The following ROBO2 variants were observed in gnomAD, a reference collection of about 807,000 sequenced individuals.
ROBO2 encodes the protein roundabout guidance receptor 2, also known as roundabout homolog 2.
In ROBO2, 53 loss-of-function variants were observed where a neutral mutation model predicts 160.8. The observed-to-expected ratio is 0.33, with a 90% CI of 0.26 to 0.41. The LOEUF (loss-of-function observed/expected upper bound fraction) is 0.41. Ranked by LOEUF, ROBO2 falls within the 10% of genes least tolerant of loss-of-function variation. ROBO2 has a pLI of 1.00. For missense variants in ROBO2, 1,577 were observed against 1,722.4 expected (o/e 0.92, Z 1.49); for synonymous variants, 664 against 611.7 (o/e 1.09, Z -1.26).
At chr3:77,371,501 T>C (rs2071748292) in intron 2 of ROBO2, among the ~76,000 whole-genome samples, 1 of 152,232 alleles carries the variant, frequency 6.6e-6, no homozygotes, top group Admixed American at 6.5e-5. Context: ...ACTAGGGCCT[T>C]ACTTACATAC....
intron 2 of ROBO2, among the ~76,000 whole-genome samples, chr3:76,919,444 TCTC>T (rs1484494823): frequency 6.6e-6 from 1 of 152,186 alleles, no homozygotes; most frequent in African/African-American, 2.4e-5. Flanking sequence ...AAAAGATTTA[TCTC>T]CTCATATAAA....
intron 2 of ROBO2, among the ~76,000 whole-genome samples, chr3:76,152,887 C>T (rs1038077692): frequency 1.3e-5 from 2 of 152,016 alleles, no homozygotes; most frequent in African/African-American, 4.8e-5. Context: ...ACTCCAAAAT[C>T]GATGTCAATT....
chr3:76,275,828 A>G (rs960890863), intron 2 of ROBO2, among the ~76,000 whole-genome samples: 1 of 152,136 alleles, frequency 6.6e-6, no homozygotes, highest in Non-Finnish European at 1.5e-5. Flanking sequence ...CCACCTGTAA[A>G]TGACTTCCAG....
chr3:76,785,260 T>A (rs2062898707), intron 2 of ROBO2, among the ~76,000 whole-genome samples: 1 of 151,226 alleles, frequency 6.6e-6, no homozygotes, highest in South Asian at 2.1e-4. Flanking sequence ...AATTTTGAGT[T>A]TGGCATGGTA....
chr3:77,015,583 G>T (rs1295904306), intron 2 of ROBO2, among the ~76,000 whole-genome samples: 1 of 152,128 alleles, frequency 6.6e-6, no homozygotes, highest in African/African-American at 2.4e-5. Flanking sequence ...AAAAATCAAT[G>T]AATTTTAGAG....
chr3:77,007,459 A>C (rs1431450114), intron 2 of ROBO2, among the ~76,000 whole-genome samples: 1 of 152,098 alleles, frequency 6.6e-6, no homozygotes, highest in African/African-American at 2.4e-5. Context: ...CCGGGTCTAT[A>C]TATTTACAGA....
intron 2 of ROBO2, among the ~76,000 whole-genome samples, chr3:76,443,137 GGT>G (rs944722332): frequency 7.2e-5 from 11 of 151,844 alleles, no homozygotes; most frequent in Non-Finnish European, 2.9e-5. Flanking sequence ...GGGTGGGGGA[GGT>G]GCCAGGATCA....
chr3:77,469,961 G>A (rs1050663818), intron 2 of ROBO2, among the ~76,000 whole-genome samples: 3 of 152,158 alleles, frequency 2.0e-5, no homozygotes, highest in Non-Finnish European at 4.4e-5. Context: ...GACTTCAGAT[G>A]AGTGAGTCCA....
chr3:76,639,752 C>T (rs2090550944), intron 2 of ROBO2, among the ~76,000 whole-genome samples: 1 of 152,126 alleles, frequency 6.6e-6, no homozygotes, highest in South Asian at 2.1e-4. Flanking sequence ...CAACAGAAAC[C>T]ATAGGGCTAA....
At chr3:77,239,013 C>T (rs769959895) in intron 2 of ROBO2, among the ~76,000 whole-genome samples, 3 of 152,226 alleles carry the variant, frequency 2.0e-5, no homozygotes, top group Non-Finnish European at 2.9e-5. Flanking sequence ...TCAAGTCCTG[C>T]AGTCAGCCCT....
At chr3:77,580,752 C>A (rs899246001) in intron 16 of ROBO2, among the ~76,000 whole-genome samples, 1 of 152,038 alleles carries the variant, frequency 6.6e-6, no homozygotes, top group Admixed American at 6.6e-5. Context: ...TGTTTTACTG[C>A]TGAGCAGTAT....
intron 2 of ROBO2, among the ~76,000 whole-genome samples, chr3:76,580,025 G>T (rs1186281809): frequency 2.0e-5 from 3 of 151,982 alleles, no homozygotes; most frequent in Non-Finnish European, 2.9e-5. Flanking sequence ...ACCTAAAGAG[G>T]TCCCCAACAC....
At chr3:77,308,202 G>A (rs2063256882) in intron 2 of ROBO2, among the ~76,000 whole-genome samples, 2 of 151,648 alleles carry the variant, frequency 1.3e-5, no homozygotes, top group South Asian at 2.1e-4. Flanking sequence ...GGAAAATGCG[G>A]CAATCGTTCT....
At chr3:76,155,222 A>G (rs2072360917) in intron 2 of ROBO2, among the ~76,000 whole-genome samples, 1 of 152,182 alleles carries the variant, frequency 6.6e-6, no homozygotes, top group Non-Finnish European at 1.5e-5. Flanking sequence ...TGGCTTCGAT[A>G]TCACTAAAAG....
At chr3:77,493,139 TG>T (rs2086342322) in intron 4 of ROBO2, 104 bp from the exon 5 acceptor site, 1 of 1,157,014 alleles carries the variant, frequency 8.6e-7, no homozygotes, top group Admixed American at 1.7e-5. Context: ...GTTAGGTACC[TG>T]TGTACCAAAA....
intron 2 of ROBO2, among the ~76,000 whole-genome samples, chr3:77,344,749 G>A (rs2067445612): frequency 6.6e-6 from 1 of 152,112 alleles, no homozygotes; most frequent in African/African-American, 2.4e-5. Context: ...ACATTGAATG[G>A]TTGTTAAAGA....
chr3:76,558,724 G>A (rs1317696029), intron 2 of ROBO2, among the ~76,000 whole-genome samples: 1 of 152,030 alleles, frequency 6.6e-6, no homozygotes, highest in Non-Finnish European at 1.5e-5. Flanking sequence ...ATAACTGTAA[G>A]ATGACTGTAA....
chr3:76,249,924 A>T (rs1161320136), intron 2 of ROBO2, among the ~76,000 whole-genome samples: 1 of 152,080 alleles, frequency 6.6e-6, no homozygotes, highest in African/African-American at 2.4e-5. Flanking sequence ...TCAAACAGGT[A>T]TTTCCCCCCT....
At chr3:76,745,438 T>A (rs1263417151) in intron 2 of ROBO2, among the ~76,000 whole-genome samples, 1 of 152,162 alleles carries the variant, frequency 6.6e-6, no homozygotes, top group Non-Finnish European at 1.5e-5. Context: ...TTCTAGATAA[T>A]CCTAGAATGA....
Sources: allele counts gnomAD v4.1 joint callset (sites outside exome capture counted in the v4.1 genomes callset), GRCh38; gene constraint gnomAD v4.1.1; transcripts MANE v1.5; gene names NCBI Gene and HGNC (gene_info 2026-07-23, HGNC 2026-07-21).